UTRN: variants seen among roughly 807,000 people sequenced by gnomAD.
UTRN encodes dystrophin-related protein 1.
UTRN carries 283 observed loss-of-function variants against 463.9 expected under a neutral mutation model. The ratio of observed to expected loss-of-function variants is 0.61; its 90% confidence interval spans 0.55 to 0.67. UTRN has a LOEUF of 0.67. UTRN is among the 30% of genes least tolerant of loss of function. UTRN has a pLI of 0.00. For missense variants in UTRN, 3,922 were observed against 4,084.3 expected (o/e 0.96, Z 1.08); for synonymous variants, 1,442 against 1,431.5 (o/e 1.01, Z -0.17).
At chr6:144,822,086 T>G (rs551363684) in intron 66 of UTRN, among the ~76,000 whole-genome samples, 1 of 152,260 alleles carries the variant, frequency 6.6e-6, no homozygotes, top group Non-Finnish European at 1.5e-5. Context: ...TCATAGTTCA[T>G]TTTATTTTGT....
intron 33 of UTRN, among the ~76,000 whole-genome samples, chr6:144,496,958 A>G (rs1228900625): frequency 1.3e-5 from 2 of 152,228 alleles, no homozygotes; most frequent in African/African-American, 4.8e-5. Flanking sequence ...TGGCTAGAGC[A>G]GAGAGAGCCA....
At chr6:144,553,528 C>T (rs886112231) in intron 48 of UTRN, among the ~76,000 whole-genome samples, 14 of 152,190 alleles carry the variant, frequency 9.2e-5, no homozygotes, top group Non-Finnish European at 1.8e-4. Context: ...ATTCTACCTA[C>T]TTATTATCAG....
At chr6:144,314,308 C>A (rs1050745239) in intron 2 of UTRN, among the ~76,000 whole-genome samples, 8 of 152,210 alleles carry the variant, frequency 5.3e-5, no homozygotes, top group Non-Finnish European at 2.9e-5. Flanking sequence ...CTGGTTTCCG[C>A]ATTCCCTGTC....
Position 144,656,912 on chromosome 6 carries a change from G to A in UTRN, c.7480-21494G>A, listed in dbSNP as rs149816427. On this transcript the variant is annotated intron_variant, in intron 51 of 74. Coordinates refer to ENST00000367545, the MANE Select transcript of UTRN (RefSeq NM_007124.3). ...TGATCCCATATTCTTTTGATGATCT[G>A]TTTTTGAATATGGATCCACTGAGTT... is the stretch of plus-strand genomic sequence containing the variant. Among the ~76,000 whole-genome samples the A allele has an allele frequency of 4.1e-3, 627 of 152,268 alleles. 6 individuals are homozygous for A. The highest frequency in any genetic ancestry group is 0.02 in the Middle Eastern group (6 of 294).
At chr6:144,406,919 T>C (rs1434884441) in intron 3 of UTRN, among the ~76,000 whole-genome samples, 2 of 152,164 alleles carry the variant, frequency 1.3e-5, no homozygotes, top group African/African-American at 2.4e-5. Flanking sequence ...CTCATTTTGC[T>C]CCAGCCACAC....
intron 65 of UTRN, among the ~76,000 whole-genome samples, chr6:144,807,213 T>C (rs895536293): frequency 6.6e-6 from 1 of 152,122 alleles, no homozygotes; most frequent in Non-Finnish European, 1.5e-5. Context: ...TCTGAATGTT[T>C]CTATTTTTAA....
At position 144,437,645 on chromosome 6, in the gene UTRN, A is replaced by G. The variant is rs747480860; in HGVS notation, c.1140A>G (p.Gly380=). ...CAGGCAACCAACTGATAACACAAGGAACTCTGTCAGACGAAGAAGAATTTG... is the reference window on the plus strand; with the variant it reads ...CAGGCAACCAACTGATAACACAAGGGACTCTGTCAGACGAAGAAGAATTTG... The part of the protein sequence containing the change: ...LQAGNQLITQ[G]TLSDEEEFEI... The change falls in exon 11 of 75, where the codon GGA becomes GGG. Residue 380 remains glycine, a synonymous_variant. Coordinates refer to ENST00000367545, the MANE Select transcript of UTRN (RefSeq NM_007124.3). The G allele has an allele frequency of 2.5e-6, 4 of 1,614,168 alleles. No homozygotes were observed. In the South Asian group the frequency reaches 3.3e-5, roughly 13 times the overall value.
In UTRN at chr6:144,367,281, G is replaced by A. The variant is rs139701985; in HGVS notation, c.80-35842G>A. Among the ~76,000 whole-genome samples the A allele has an allele frequency of 4.6e-4, 70 of 151,140 alleles. No individual in the cohort carries two copies. In the East Asian group the frequency reaches 0.013, roughly 28 times the overall value. On this transcript the variant is annotated intron_variant, in intron 2 of 74. Coordinates refer to ENST00000367545, the MANE Select transcript of UTRN (RefSeq NM_007124.3). ...ATTACAGGTGTGAGCCACTGTGCCC[G>A]GCCCCTCTACCTGCGTTTTTAATAA...
At chr6:144,615,006 T>G (rs1805934321) in intron 51 of UTRN, among the ~76,000 whole-genome samples, 2 of 152,136 alleles carry the variant, frequency 1.3e-5, no homozygotes, top group African/African-American at 2.4e-5. Context: ...TTTCCCGATA[T>G]TCATTTATAG....
At chr6:144,474,876 C>T (rs1791027459) in intron 25 of UTRN, 117 bp downstream of exon 25, 3 of 1,205,340 alleles carry the variant, frequency 2.5e-6, no homozygotes, top group South Asian at 1.7e-5. Context: ...TAGAATAACT[C>T]CAGCATGGGT....
chr6:144,591,373 A>C (rs1313786919), intron 51 of UTRN, among the ~76,000 whole-genome samples: 2 of 152,080 alleles, frequency 1.3e-5, no homozygotes, highest in South Asian at 4.2e-4. Flanking sequence ...GCAAGAAAAA[A>C]CTTCCCTTGA....
At chr6:144,289,850 C>T (rs1336799370) in intron 1 of UTRN, among the ~76,000 whole-genome samples, 2 of 152,024 alleles carry the variant, frequency 1.3e-5, no homozygotes, top group East Asian at 3.9e-4. Flanking sequence ...GATGGGGTTT[C>T]ACCATGTTGG....
chr6:144,456,517 G>A (rs1287172636), intron 19 of UTRN, among the ~76,000 whole-genome samples: 1 of 151,898 alleles, frequency 6.6e-6, no homozygotes, highest in African/African-American at 2.4e-5. Context: ...GCTGGGCATG[G>A]TGGCACATGC....
chr6:144,322,859 C>G (rs947957940), intron 2 of UTRN, among the ~76,000 whole-genome samples: 7 of 151,022 alleles, frequency 4.6e-5, no homozygotes, highest in Admixed American at 2.0e-4. Context: ...AGGAGAATGG[C>G]GTGAACCTGG....
In UTRN at chr6:144,444,385, A is replaced by C. The variant is rs1361015861; in HGVS notation, c.1614+3A>C. Reference sequence around the variant, plus strand: ...GGCAGGAATTATTGGAAGAACAGGTATGAAACTGTTTTCCATAAGGGGCAA... The same window carrying C: ...GGCAGGAATTATTGGAAGAACAGGTCTGAAACTGTTTTCCATAAGGGGCAA... On this transcript the variant is annotated splice_donor_region_variant and intron_variant, in intron 14 of 74. Coordinates refer to ENST00000367545, the MANE Select transcript of UTRN (RefSeq NM_007124.3). 1 of 1,599,820 alleles carries C rather than the reference A, an allele frequency of 6.3e-7. No homozygotes were observed. Among genetic ancestry groups the C allele is most frequent in the East Asian group, 2.3e-5 (1 of 44,248 alleles).
At chr6:144,778,070 G>A (rs1029276959) in intron 60 of UTRN, among the ~76,000 whole-genome samples, 1 of 152,104 alleles carries the variant, frequency 6.6e-6, no homozygotes, top group Non-Finnish European at 1.5e-5. Context: ...CTGTATTGTG[G>A]GAGTTTAGAG....
intron 52 of UTRN, among the ~76,000 whole-genome samples, chr6:144,691,702 G>A (rs1783435876): frequency 6.6e-6 from 1 of 151,862 alleles, no homozygotes; most frequent in Admixed American, 6.6e-5. Flanking sequence ...TCTATCCCTT[G>A]TCTTTAATCT....
intron 52 of UTRN, among the ~76,000 whole-genome samples, chr6:144,693,576 T>G (rs2128693801): frequency 6.6e-6 from 1 of 152,298 alleles, no homozygotes; most frequent in East Asian, 1.9e-4. Context: ...TTGGGCAGTG[T>G]TTTATAGTTC....
At position 144,286,843 on chromosome 6, in the gene UTRN, C is replaced by T. The variant is rs1187944215; in HGVS notation, c.-93+1022C>T. Among the ~76,000 whole-genome samples the T allele has an allele frequency of 6.6e-6, 1 of 152,102 alleles. No homozygotes were observed. The highest frequency in any genetic ancestry group is 2.4e-5 in the African/African-American group (1 of 41,412). ...AGAGCTCGGGTTCTAACTCCACGGC[C>T]CCGCTCTCTGAGGTGTTCAGGACAG... On this transcript the variant is annotated intron_variant, in intron 1 of 74. Transcript: ENST00000367545. This position sits in a 1 kb window ranked among gnomAD's most constrained non-coding sequence, Gnocchi z 4.4.
Sources: gnomAD v4.1 joint callset for allele counts (sites outside exome capture counted in the v4.1 genomes callset) on GRCh38, gnomAD v4.1.1 for gene constraint, Gnocchi (gnomAD v3.1) non-coding constraint, MANE v1.5 for transcripts, NCBI Gene and HGNC (gene_info 2026-07-23, HGNC 2026-07-21) for gene names.